Variants in AMBRA1 observed in about 807,000 individuals in gnomAD.
AMBRA1 encodes the protein activating molecule in BECN1-regulated autophagy protein 1.
In AMBRA1, 47 loss-of-function variants were observed where a neutral mutation model predicts 125.4. That is an observed-to-expected ratio of 0.37 (90% CI 0.30 to 0.48). The LOEUF (loss-of-function observed/expected upper bound fraction) is 0.48. Among genes scored for constraint, AMBRA1 ranks in the 20% least tolerant of loss-of-function variants. The pLI is 0.99. For synonymous variants in AMBRA1, 626 were observed against 655.5 expected (o/e 0.95, Z 0.69); for missense variants, 1,331 against 1,693.4 (o/e 0.79, Z 3.76).
chr11:46,556,376 A>G (rs758506448), intron 1 of AMBRA1, among the ~76,000 whole-genome samples: 1 of 152,210 alleles, frequency 6.6e-6, no homozygotes, highest in African/African-American at 2.4e-5. Flanking sequence ...GAAAAACATC[A>G]TAAATTTAGA....
chr11:46,588,135 C>T (rs757123177), intron 1 of AMBRA1, among the ~76,000 whole-genome samples: 20 of 152,162 alleles, frequency 1.3e-4, no homozygotes, highest in Non-Finnish European at 2.5e-4. Context: ...GGGTTCAAGA[C>T]CAGCCTGGCC....
chr11:46,464,320 T>C (rs1949229727), intron 11 of AMBRA1, among the ~76,000 whole-genome samples: 1 of 152,194 alleles, frequency 6.6e-6, no homozygotes, highest in Admixed American at 6.5e-5. Context: ...AATAAGCTCC[T>C]AGTATAAAAG....
intron 12 of AMBRA1, among the ~76,000 whole-genome samples, chr11:46,436,850 G>C (rs2136722681): frequency 6.6e-6 from 1 of 152,234 alleles, no homozygotes; most frequent in South Asian, 2.1e-4. Flanking sequence ...CAAAAGCAGG[G>C]AGAGAAAGAA....
rs538729808 is a variant in AMBRA1, at chr11:46,474,648, A to G, written c.2521+18960T>C. On this transcript the variant is annotated intron_variant, in intron 11 of 17. Transcript: ENST00000683756. ...GGTGATCCACCCACCTCGGCCTCCC[A>G]AAGTGCTGGGATTACAAGCGTAAGC... is the stretch of plus-strand genomic sequence containing the variant. Among the ~76,000 whole-genome samples, 8 of 152,288 alleles carry G rather than the reference A, an allele frequency of 5.3e-5. No homozygotes were observed. In the South Asian group the frequency reaches 1.4e-3, roughly 28 times the overall value.
At chr11:46,422,674 T>C (rs576468467) in intron 14 of AMBRA1, among the ~76,000 whole-genome samples, 1 of 151,952 alleles carries the variant, frequency 6.6e-6, no homozygotes, top group African/African-American at 2.4e-5. Context: ...GATGGTCGTA[T>C]TTTTTTTCCC....
chr11:46,501,534 A>G (rs1393304293), intron 9 of AMBRA1, among the ~76,000 whole-genome samples: 1 of 152,264 alleles, frequency 6.6e-6, no homozygotes, highest in Non-Finnish European at 1.5e-5. Flanking sequence ...ATAATCATAC[A>G]GATGCACAAC....
At chr11:46,588,467 A>AT (rs1397563445) in intron 1 of AMBRA1, among the ~76,000 whole-genome samples, 1 of 152,136 alleles carries the variant, frequency 6.6e-6, no homozygotes, top group African/African-American at 2.4e-5. Flanking sequence ...ACTTTTTCTC[A>AT]ATGTAATCAA....
rs771979354 is a variant in AMBRA1, at chr11:46,542,252, G to A, written c.1765C>T (p.Pro589Ser). ...NDTLRWERTT[P>S]NYSSGEASSS... ...CTAGCCTCGCCAGAGGAGTAGTTAGGTGTGGTTCTTTCCCAGCGCAGGGTA... is the reference window on the plus strand; with the variant it reads ...CTAGCCTCGCCAGAGGAGTAGTTAGATGTGGTTCTTTCCCAGCGCAGGGTA... The change falls in exon 7 of 18, where the codon CCT becomes TCT. Residue 589 changes from proline (P) to serine (S), a missense_variant. By Grantham distance (74) the Pro-to-Ser change is moderately conservative. Around this residue, in one of 4 missense-constraint regions of AMBRA1, gnomAD observed 689 missense variants for 776.5 expected, o/e 0.89. Coordinates refer to ENST00000683756, the MANE Select transcript of AMBRA1 (RefSeq NM_001387011.1). This position sits in a 1 kb window ranked among gnomAD's most constrained non-coding sequence, Gnocchi z 5.9. 5 of 1,614,098 alleles carry A rather than the reference G, an allele frequency of 3.1e-6. No individual in the cohort carries two copies. The Admixed American group carries it at 8.3e-5, about 27-fold the overall frequency.
chr11:46,580,728 T>C (rs886102936), intron 1 of AMBRA1, among the ~76,000 whole-genome samples: 1 of 152,178 alleles, frequency 6.6e-6, no homozygotes, highest in Admixed American at 6.6e-5. Context: ...CTAACCATAC[T>C]TCCCCGATTT....
intron 7 of AMBRA1, among the ~76,000 whole-genome samples, chr11:46,525,883 G>C (rs1320993154): frequency 6.6e-6 from 1 of 152,046 alleles, no homozygotes. Context: ...TTGCACTCCA[G>C]CCTGGGTGAC....
At chr11:46,546,016 A>T in intron 4 of AMBRA1, 1 of 380,944 alleles carries the variant, frequency 2.6e-6, no homozygotes, top group East Asian at 4.8e-5. Context: ...TTAAGCATAT[A>T]TACACAGTTC....
At position 46,470,360 on chromosome 11, in the gene AMBRA1, G is replaced by T. The variant is rs186722119; in HGVS notation, c.2521+23248C>A. On this transcript the variant is annotated intron_variant, in intron 11 of 17. Transcript: ENST00000683756. ...TCCCAGCACTTTGGGAGTCCGAGACGGGCGGATCACGAGGTCAGGAGATCG... is the reference window on the plus strand; with the variant it reads ...TCCCAGCACTTTGGGAGTCCGAGACTGGCGGATCACGAGGTCAGGAGATCG... Among the ~76,000 whole-genome samples, 16 of 152,100 alleles carry T rather than the reference G, an allele frequency of 1.1e-4. No individual in the cohort carries two copies. In the East Asian group the frequency reaches 1.5e-3, roughly 15 times the overall value.
intron 1 of AMBRA1, among the ~76,000 whole-genome samples, chr11:46,577,450 G>C (rs2043995999): frequency 6.6e-6 from 1 of 152,028 alleles, no homozygotes; most frequent in Non-Finnish European, 1.5e-5. Context: ...TGGTTATCAG[G>C]GGCTGGAGGA....
intron 16 of AMBRA1, among the ~76,000 whole-genome samples, chr11:46,409,061 C>T (rs1454169263): frequency 6.6e-6 from 1 of 152,232 alleles, no homozygotes; most frequent in East Asian, 1.9e-4. Flanking sequence ...TAGCTGAGAT[C>T]ATGGGATAAA....
intron 14 of AMBRA1, among the ~76,000 whole-genome samples, chr11:46,424,812 C>G (rs945878724): frequency 6.6e-6 from 1 of 151,866 alleles, no homozygotes; most frequent in Admixed American, 6.6e-5. Context: ...TGTACTCCAC[C>G]GTGGGTGAGA....
chr11:46,543,478 C>G (rs917439149), intron 6 of AMBRA1, 80 bp from the exon 7 acceptor site: 2 of 1,534,386 alleles, frequency 1.3e-6, no homozygotes, highest in African/African-American at 2.8e-5. Flanking sequence ...GAAAAACTAA[C>G]CACTGACAAT....
At chr11:46,479,970 GGTCT>G (rs1949992568) in intron 11 of AMBRA1, among the ~76,000 whole-genome samples, 1 of 152,058 alleles carries the variant, frequency 6.6e-6, no homozygotes, top group Non-Finnish European at 1.5e-5. Context: ...CCTGTGTTCG[GGTCT>G]GTCTCCTTGT....
chr11:46,472,005 A>C (rs1256762787), intron 11 of AMBRA1, among the ~76,000 whole-genome samples: 1 of 152,186 alleles, frequency 6.6e-6, no homozygotes, highest in Non-Finnish European at 1.5e-5. Flanking sequence ...TGAATGGCCT[A>C]AGATCTTTGG....
intron 9 of AMBRA1, among the ~76,000 whole-genome samples, chr11:46,499,136 T>C (rs1392069924): frequency 6.6e-6 from 1 of 152,226 alleles, no homozygotes; most frequent in East Asian, 1.9e-4. Context: ...GGAATGGTAA[T>C]ACAAGAGATA....
Sources: allele counts gnomAD v4.1 joint callset (sites outside exome capture counted in the v4.1 genomes callset), GRCh38; gene constraint gnomAD v4.1.1; regional missense constraint gnomAD v4.1.1; non-coding constraint Gnocchi (gnomAD v3.1); transcripts MANE v1.5; gene names NCBI Gene and HGNC (gene_info 2026-07-23, HGNC 2026-07-21).